The following ATP1A1 variants were observed in gnomAD, a reference collection of about 807,000 sequenced individuals.
ATP1A1 encodes the protein ATPase Na+/K+ transporting subunit alpha 1, also known as sodium/potassium-transporting ATPase subunit alpha-1.
Under a neutral mutation model 114.8 loss-of-function variants are expected in ATP1A1, and 14 were observed. The observed-to-expected ratio is 0.12, with a 90% CI of 0.08 to 0.19. The LOEUF is 0.19. ATP1A1 is among the 10% of genes least tolerant of loss of function. ATP1A1 has a pLI of 1.00. For synonymous variants in ATP1A1, 471 were observed against 466.3 expected, an observed-to-expected ratio of 1.01 and a Z score of -0.13; for missense variants, 524 against 1,290.7, an observed-to-expected ratio of 0.41 and a Z score of 9.10.
intron 1 of ATP1A1, among the ~76,000 whole-genome samples, chr1:116,382,835 G>A (rs2101036446): frequency 6.6e-6 from 1 of 152,362 alleles, no homozygotes; most frequent in South Asian, 2.1e-4. Flanking sequence ...ACTTAGGAAA[G>A]TTAGAAATGA....
Position 116,397,761 on chromosome 1 carries a change from G to A in ATP1A1, c.1974-127G>A, listed in dbSNP as rs950119666. On this transcript the variant is annotated intron_variant, in intron 14 of 22. Transcript: ENST00000295598. The surrounding 1 kb of genome is among the most constrained non-coding windows in gnomAD (Gnocchi z 4.2). ...ACTGAACACTTAATAGCTTTTATGT[G>A]CTGGGGAAAATTCCTTCTTTGTTTT... The A allele has an allele frequency of 2.5e-6, 3 of 1,200,006 alleles. No individual in the cohort carries two copies. The highest frequency in any genetic ancestry group is 3.5e-6 in the Non-Finnish European group (3 of 863,212). The allele number at this position is 1,200,006 out of a possible 1,614,324, so 74.3% of individuals were successfully genotyped here.
chr1:116,401,373 C>CT lies in ATP1A1; in HGVS notation c.2849+114dup. On this transcript the variant is annotated intron_variant, in intron 20 of 22. Coordinates refer to ENST00000295598, the MANE Select transcript of ATP1A1 (RefSeq NM_000701.8). This position sits in a 1 kb window ranked among gnomAD's most constrained non-coding sequence, Gnocchi z 4.7. ...ACATATAGCCAGGTTTCTGGAATCT[C>CT]TAGTTTATAGAGCAAATTTAGGAAG... The CT allele has an allele frequency of 6.4e-7, 1 of 1,553,196 alleles. No homozygotes were observed. Among genetic ancestry groups the CT allele is most frequent in the South Asian group, 1.2e-5 (1 of 83,128 alleles).
chr1:116,373,335 G>A lies in ATP1A1; in HGVS notation c.-177G>A, dbSNP rs1651109866. 1.8e-6 allele frequency: 1 copy of A among 541,224 alleles called. No individual in the cohort carries two copies. Among genetic ancestry groups the A allele is most frequent in the Non-Finnish European group, 2.9e-6 (1 of 343,342 alleles). 33.5% of individuals were successfully genotyped at this position (541,224 alleles called of 1,614,324 possible). On this transcript the variant is annotated 5_prime_UTR_variant, in exon 1 of 23. Coordinates refer to ENST00000295598, the MANE Select transcript of ATP1A1 (RefSeq NM_000701.8). ...AGCAGCCCGGGCGGCGGCAGCAACA[G>A]CGGCGGCGGCATCGGCCCGAGCCGC...
At position 116,401,192 on chromosome 1, in the gene ATP1A1, G is replaced by T; in HGVS notation, c.2781G>T (p.Val927=). 1.2e-6 allele frequency: 2 copies of T among 1,614,192 alleles called. No individual in the cohort carries two copies. Among genetic ancestry groups the T allele is most frequent in the South Asian group, 2.2e-5 (2 of 91,082 alleles). Residue 927 remains valine, a synonymous_variant, in exon 20 of 23, where the codon GTG becomes GTT. Coordinates refer to ENST00000295598, the MANE Select transcript of ATP1A1 (RefSeq NM_000701.8). The surrounding 1 kb of genome is among the most constrained non-coding windows in gnomAD (Gnocchi z 4.7). ...ACACAGCCTTCTTCGTCAGTATCGT[G>T]GTGGTGCAGTGGGCCGACTTGGTCA... The part of the protein sequence containing the change: ...TCHTAFFVSI[V]VVQWADLVIC...
chr1:116,382,377 T>C (rs1055560667), intron 1 of ATP1A1: 19 of 152,210 alleles, frequency 1.2e-4, no homozygotes, highest in Admixed American at 9.8e-4. Flanking sequence ...TGTCCACTTG[T>C]ATGTGTTACT....
chr1:116,386,676 G>A (rs1377283047), intron 3 of ATP1A1, among the ~76,000 whole-genome samples: 2 of 152,106 alleles, frequency 1.3e-5, no homozygotes, highest in Non-Finnish European at 2.9e-5. Context: ...AAAATAGCAG[G>A]CTTTAGTAGA....
chr1:116,404,645 CTG>C lies in ATP1A1; in HGVS notation c.*204_*205del. 1 of 1,308,016 alleles carries C rather than the reference CTG, an allele frequency of 7.6e-7. No individual in the cohort carries two copies. The highest frequency in any genetic ancestry group is 9.7e-7 in the Non-Finnish European group (1 of 1,032,624). 81.0% of individuals were successfully genotyped at this position (1,308,016 alleles called of 1,614,324 possible). On this transcript the variant is annotated 3_prime_UTR_variant, in exon 23 of 23. Coordinates refer to ENST00000295598, the MANE Select transcript of ATP1A1 (RefSeq NM_000701.8). This position sits in a 1 kb window ranked among gnomAD's most constrained non-coding sequence, Gnocchi z 4.8. ...GGAGGGCTGCCTGAAAACCATCCATCTGTGGAAATGACAGCGGGGAAGGTTTT... is the reference window on the plus strand; with the variant it reads ...GGAGGGCTGCCTGAAAACCATCCATCTGGAAATGACAGCGGGGAAGGTTTT...
In ATP1A1 at chr1:116,401,823, C is replaced by T; in HGVS notation, c.2951+168C>T. On this transcript the variant is annotated intron_variant, in intron 21 of 22. Transcript: ENST00000295598. The surrounding 1 kb of genome is among the most constrained non-coding windows in gnomAD (Gnocchi z 4.7). ...TTGACATGTCAGTAAATCAGACTAA[C>T]AAATCCTGAGGCTTCCATGATAGCA... 1 of 658,086 alleles carries T rather than the reference C, an allele frequency of 1.5e-6. No homozygotes were observed. The highest frequency in any genetic ancestry group is 2.9e-5 in the Admixed American group (1 of 35,038). 40.8% of individuals were successfully genotyped at this position (658,086 alleles called of 1,614,324 possible).
intron 8 of ATP1A1, 120 bp from the exon 9 acceptor site, chr1:116,390,093 C>A: frequency 1.9e-6 from 2 of 1,059,544 alleles, no homozygotes; most frequent in Non-Finnish European, 2.8e-6. Context: ...CTTCAAACTT[C>A]AGAAGAAGGT....
intron 10 of ATP1A1, among the ~76,000 whole-genome samples, chr1:116,391,303 C>G (rs1210012363): frequency 6.6e-6 from 1 of 152,206 alleles, no homozygotes; most frequent in Non-Finnish European, 1.5e-5. Context: ...ACAGTAGATT[C>G]CAGTAACTCC....
chr1:116,375,409 G>A (rs1379532980), intron 1 of ATP1A1, among the ~76,000 whole-genome samples: 1 of 152,246 alleles, frequency 6.6e-6, no homozygotes, highest in Non-Finnish European at 1.5e-5. Context: ...GGGTAACTAA[G>A]TTATGTCCAT....
intron 21 of ATP1A1, among the ~76,000 whole-genome samples, chr1:116,402,954 A>G (rs908493287): frequency 3.3e-5 from 5 of 152,158 alleles, no homozygotes; most frequent in Admixed American, 6.5e-5. Flanking sequence ...GCCATCTCCA[A>G]ATTGAATTCT....
intron 10 of ATP1A1, among the ~76,000 whole-genome samples, chr1:116,391,625 C>A (rs1336642909): frequency 6.6e-6 from 1 of 152,168 alleles, no homozygotes; most frequent in Non-Finnish European, 1.5e-5. Flanking sequence ...GGGAATATGG[C>A]TTGGATGTAA....
At chr1:116,380,849 C>T (rs1481284232) in intron 1 of ATP1A1, among the ~76,000 whole-genome samples, 3 of 151,994 alleles carry the variant, frequency 2.0e-5, no homozygotes, top group Non-Finnish European at 4.4e-5. Flanking sequence ...GAAATGATGA[C>T]GCTGTGCTAA....
In ATP1A1 at chr1:116,388,038, T is replaced by TA; in HGVS notation, c.388-88dup. ...ATTTCTGAAATCTTGGTTTCTCTAT[T>TA]AAAAATCTGTTTTTTATTCAGTCAA... On this transcript the variant is annotated intron_variant, in intron 4 of 22. Coordinates refer to ENST00000295598, the MANE Select transcript of ATP1A1 (RefSeq NM_000701.8). The surrounding 1 kb of genome is among the most constrained non-coding windows in gnomAD (Gnocchi z 5.6). 1.2e-6 allele frequency: 1 copy of TA among 816,460 alleles called. No individual in the cohort carries two copies. The allele number at this position is 816,460 out of a possible 1,614,324, so 50.6% of individuals were successfully genotyped here.
intron 1 of ATP1A1, chr1:116,373,897 G>T: frequency 7.7e-7 from 1 of 1,296,124 alleles, no homozygotes; most frequent in Non-Finnish European, 9.8e-7. Context: ...GACTGAGCCG[G>T]CATCCCTGAG....
chr1:116,390,816 T>A lies in ATP1A1; in HGVS notation c.1257T>A (p.Leu419=). ...TTGACAAGACTTCAGCTACCTGGCTTGCTCTGTCCAGAATTGCAGGTCTTT... is the reference window on the plus strand; with the variant it reads ...TTGACAAGACTTCAGCTACCTGGCTAGCTCTGTCCAGAATTGCAGGTCTTT... The part of the protein sequence containing the change: ...VSFDKTSATW[L]ALSRIAGLCN... The change falls in exon 10 of 23, where the codon CTT becomes CTA. Residue 419 remains leucine (L), a synonymous_variant. Transcript: ENST00000295598. The A allele has an allele frequency of 1.2e-6, 2 of 1,614,226 alleles. No homozygotes were observed. Among genetic ancestry groups the A allele is most frequent in the Non-Finnish European group, 1.7e-6 (2 of 1,180,022 alleles).
rs1185096518 is a variant in ATP1A1, at chr1:116,389,792, C to T, written c.1023+85C>T. 2 of 1,536,942 alleles carry T rather than the reference C, an allele frequency of 1.3e-6. No homozygotes were observed. Among genetic ancestry groups the T allele is most frequent in the Non-Finnish European group, 1.8e-6 (2 of 1,132,106 alleles). ...CCGCTATCCTATTCTAAGGTATTGC[C>T]AACTTATGTTTTATTCTGGATGTTT... On this transcript the variant is annotated intron_variant, in intron 8 of 22. Coordinates refer to ENST00000295598, the MANE Select transcript of ATP1A1 (RefSeq NM_000701.8). The surrounding 1 kb of genome is among the most constrained non-coding windows in gnomAD (Gnocchi z 6.9).
rs926665452 is a variant in ATP1A1, at chr1:116,401,487, G to C, written c.2850-67G>C. 7 of 1,528,524 alleles carry C rather than the reference G, an allele frequency of 4.6e-6. No homozygotes were observed. Among genetic ancestry groups the C allele is most frequent in the South Asian group, 2.3e-5 (2 of 87,668 alleles). 94.7% of individuals were successfully genotyped at this position (1,528,524 alleles called of 1,614,324 possible). On this transcript the variant is annotated intron_variant, in intron 20 of 22. Coordinates refer to ENST00000295598, the MANE Select transcript of ATP1A1 (RefSeq NM_000701.8). This position sits in a 1 kb window ranked among gnomAD's most constrained non-coding sequence, Gnocchi z 4.7. Reference sequence around the variant, plus strand: ...AAAGATGTTGATCTGCCATTTTAATGCATAGCATTAGAAGATAAACCTTTA... The same window carrying C: ...AAAGATGTTGATCTGCCATTTTAATCCATAGCATTAGAAGATAAACCTTTA...
Sources: allele counts gnomAD v4.1 joint callset (sites outside exome capture counted in the v4.1 genomes callset), GRCh38; gene constraint gnomAD v4.1.1; non-coding constraint Gnocchi (gnomAD v3.1); transcripts MANE v1.5; gene names NCBI Gene and HGNC (gene_info 2026-07-23, HGNC 2026-07-21).